The following MBNL2 variants were observed in gnomAD, a reference collection of about 807,000 sequenced individuals.
The protein encoded by MBNL2 is muscleblind-like protein 2.
Under a neutral mutation model 41.9 loss-of-function variants are expected in MBNL2, and 17 were observed. The observed-to-expected ratio is 0.41, with a 90% CI of 0.28 to 0.61. The LOEUF (loss-of-function observed/expected upper bound fraction) is 0.61. Ranked by LOEUF, MBNL2 falls within the 20% of genes least tolerant of loss-of-function variation. The pLI is 0.35. For synonymous variants in MBNL2, 195 were observed against 182.9 expected, an observed-to-expected ratio of 1.07 and a Z score of -0.53; for missense variants, 336 against 505.6, an observed-to-expected ratio of 0.66 and a Z score of 3.22.
the MBNL2 span, among the ~76,000 whole-genome samples, chr13:97,161,914 T>A: frequency 2.0e-5 from 3 of 152,200 alleles, no homozygotes; most frequent in Non-Finnish European, 4.4e-5. Flanking sequence ...AGTACATCTG[T>A]GTCAGTCCAT....
At chr13:97,314,283 A>G (rs933774813) in intron 2 of MBNL2, among the ~76,000 whole-genome samples, 1 of 152,090 alleles carries the variant, frequency 6.6e-6, no homozygotes, top group Non-Finnish European at 1.5e-5. Context: ...AACACCTCAA[A>G]TGGCATCCTC....
chr13:97,212,544 G>A, the MBNL2 span, among the ~76,000 whole-genome samples: 1 of 152,194 alleles, frequency 6.6e-6, no homozygotes, highest in African/African-American at 2.4e-5. Context: ...TTTAGAGCCA[G>A]TGAGGTGTCG....
intron 4 of MBNL2, among the ~76,000 whole-genome samples, chr13:97,345,929 A>C (rs2061805486): frequency 2.0e-5 from 3 of 152,196 alleles, no homozygotes; most frequent in Non-Finnish European, 2.9e-5. Context: ...GTGATTGAAG[A>C]TATAGAGAGA....
rs1445738965 is a variant in MBNL2, at chr13:97,268,362, A to G, written c.-604-7270A>G. On this transcript the variant is annotated intron_variant, in intron 1 of 8. Coordinates refer to ENST00000679496, the MANE Select transcript of MBNL2 (RefSeq NM_001382683.1). The surrounding 1 kb of genome is among the most constrained non-coding windows in gnomAD (Gnocchi z 4.6). ...AATGATCCATCTGCCTCGGCCTCCC[A>G]AACGCTGGGATTACAGGTGTGAGCC... Among the ~76,000 whole-genome samples the G allele has an allele frequency of 6.6e-6, 1 of 152,140 alleles. No individual in the cohort carries two copies. The highest frequency in any genetic ancestry group is 1.5e-5 in the Non-Finnish European group (1 of 68,010).
the MBNL2 span, among the ~76,000 whole-genome samples, chr13:97,179,053 G>A: frequency 6.6e-6 from 1 of 152,184 alleles, no homozygotes; most frequent in Non-Finnish European, 1.5e-5. Flanking sequence ...TCAAAGACCT[G>A]ATCATTTCCA....
the MBNL2 span, among the ~76,000 whole-genome samples, chr13:97,159,002 A>G: frequency 3.3e-5 from 5 of 150,380 alleles, no homozygotes; most frequent in African/African-American, 1.2e-4. Flanking sequence ...GGGGTGTTAA[A>G]GTCTCCCATT....
rs2066454707 is a variant in MBNL2, at chr13:97,393,849, A to G, written c.*2400A>G. On this transcript the variant is annotated 3_prime_UTR_variant, in exon 9 of 9. Coordinates refer to ENST00000679496, the MANE Select transcript of MBNL2 (RefSeq NM_001382683.1). ...ACATGAAGATATCAGTTCAACAAAT[A>G]CTGTAGTTAAGAGACTAACTCTCCA... The G allele has an allele frequency of 6.6e-6, 1 of 152,574 alleles. No individual in the cohort carries two copies. The highest frequency in any genetic ancestry group is 6.6e-5 in the Admixed American group (1 of 15,254). The allele number at this position is 152,574 out of a possible 1,614,324, so 9.5% of individuals were successfully genotyped here. A position where few individuals can be genotyped will look rare whatever the true frequency, so the allele number is the denominator to read the frequency against.
chr13:97,153,264 A>G, the MBNL2 span, among the ~76,000 whole-genome samples: 2 of 152,072 alleles, frequency 1.3e-5, no homozygotes, highest in African/African-American at 4.8e-5. Context: ...TAATATAATT[A>G]TGTAGAAAGA....
chr13:97,199,284 G>A, the MBNL2 span, among the ~76,000 whole-genome samples: 1 of 152,078 alleles, frequency 6.6e-6, no homozygotes, highest in Non-Finnish European at 1.5e-5. Flanking sequence ...CTTTTGAAAA[G>A]GGCAGCACTT....
At chr13:97,328,416 A>G (rs1286249423) in intron 2 of MBNL2, among the ~76,000 whole-genome samples, 2 of 152,168 alleles carry the variant, frequency 1.3e-5, no homozygotes, top group Non-Finnish European at 2.9e-5. Context: ...TCTAAAGCAC[A>G]TGCCATCTGC....
the MBNL2 span, among the ~76,000 whole-genome samples, chr13:97,150,557 A>G: frequency 6.6e-6 from 1 of 152,230 alleles, no homozygotes; most frequent in African/African-American, 2.4e-5. Context: ...ACTTGAATAT[A>G]GTCAGGCAAA....
chr13:97,381,610 T>C (rs1300576283), intron 8 of MBNL2, among the ~76,000 whole-genome samples: 1 of 151,992 alleles, frequency 6.6e-6, no homozygotes, highest in Non-Finnish European at 1.5e-5. Context: ...CTTTTGAAAT[T>C]TCTTTTCTGT....
the MBNL2 span, among the ~76,000 whole-genome samples, chr13:97,209,177 C>T: frequency 6.6e-6 from 1 of 152,134 alleles, no homozygotes; most frequent in East Asian, 1.9e-4. Flanking sequence ...TCTCTGTTTT[C>T]TACTTCGAGG....
chr13:97,231,052 T>C (rs1305488219), intron 1 of MBNL2, among the ~76,000 whole-genome samples: 2 of 152,210 alleles, frequency 1.3e-5, no homozygotes, highest in Non-Finnish European at 2.9e-5. Context: ...TCCAGAGTGA[T>C]TGGAGATATC....
chr13:97,152,402 T>G, the MBNL2 span, among the ~76,000 whole-genome samples: 2,187 of 151,998 alleles, frequency 0.014, 52 homozygotes, highest in African/African-American at 0.05. Context: ...CAAATAAAAT[T>G]TTGAAAAGTG....
chr13:97,202,262 A>G, the MBNL2 span, among the ~76,000 whole-genome samples: 3 of 152,080 alleles, frequency 2.0e-5, no homozygotes, highest in Non-Finnish European at 4.4e-5. Flanking sequence ...GGCTTATTAT[A>G]CTCTTCCCAC....
the MBNL2 span, among the ~76,000 whole-genome samples, chr13:97,215,636 GT>G: frequency 4.6e-5 from 7 of 151,974 alleles, no homozygotes; most frequent in South Asian, 2.1e-4. Flanking sequence ...TAAGAAAAAT[GT>G]TTTTTTTCAA....
chr13:97,167,496 GC>G, the MBNL2 span, among the ~76,000 whole-genome samples: 1 of 152,048 alleles, frequency 6.6e-6, no homozygotes, highest in Non-Finnish European at 1.5e-5. Context: ...GGCAAAGAAA[GC>G]TAGAAGAAAT....
intron 2 of MBNL2, among the ~76,000 whole-genome samples, chr13:97,324,360 T>A (rs2059743337): frequency 6.6e-6 from 1 of 152,178 alleles, no homozygotes; most frequent in South Asian, 2.1e-4. Context: ...AGGTTTCCTG[T>A]ACGGTTGGGG....
Sources: gnomAD v4.1 joint callset for allele counts (sites outside exome capture counted in the v4.1 genomes callset) on GRCh38, gnomAD v4.1.1 for gene constraint, Gnocchi (gnomAD v3.1) non-coding constraint, MANE v1.5 for transcripts, NCBI Gene and HGNC (gene_info 2026-07-23, HGNC 2026-07-21) for gene names.